Variants in KCNK10 observed in about 807,000 individuals in gnomAD.
KCNK10 encodes the protein potassium channel subfamily K member 10.
In KCNK10, 25 loss-of-function variants were observed where a neutral mutation model predicts 47.7. The ratio of observed to expected loss-of-function variants is 0.52; its 90% CI spans 0.38 to 0.73. The LOEUF is 0.73. Ranked by LOEUF, KCNK10 falls within the 30% of genes least tolerant of loss-of-function variation. The pLI is 0.00. For synonymous variants in KCNK10, 303 were observed against 285.6 expected (o/e 1.06, Z -0.61); for missense variants, 563 against 714.5 (o/e 0.79, Z 2.42).
intron 2 of KCNK10, among the ~76,000 whole-genome samples, chr14:88,257,691 C>T (rs1886995451): frequency 6.6e-6 from 1 of 152,214 alleles, no homozygotes; most frequent in African/African-American, 2.4e-5. Flanking sequence ...TGTATGTGGG[C>T]ACCAAAGATT....
chr14:88,214,323 C>T (rs969776201), intron 4 of KCNK10, among the ~76,000 whole-genome samples: 2 of 152,108 alleles, frequency 1.3e-5, no homozygotes, highest in African/African-American at 4.8e-5. Flanking sequence ...GAGGACAAGG[C>T]CAGCTATCTC....
At chr14:88,313,313 T>C (rs1322569461) in intron 1 of KCNK10, among the ~76,000 whole-genome samples, 1 of 152,208 alleles carries the variant, frequency 6.6e-6, no homozygotes, top group Admixed American at 6.5e-5. Flanking sequence ...TTCAAATTCT[T>C]TGACATGTCT....
chr14:88,227,343 T>C (rs1886018851), intron 4 of KCNK10, 32 bp downstream of exon 4: 6 of 1,553,046 alleles, frequency 3.9e-6, no homozygotes, highest in Non-Finnish European at 5.2e-6. Flanking sequence ...TGGATCACAG[T>C]GGTTAGAATT....
At chr14:88,251,232 C>CGAA (rs1886789787) in intron 2 of KCNK10, among the ~76,000 whole-genome samples, 1 of 70,204 alleles carries the variant, frequency 1.4e-5, no homozygotes, top group Non-Finnish European at 2.6e-5. Flanking sequence ...GACTCTGTCT[C>CGAA]AAAAAAAAAA....
chr14:88,232,077 C>A (rs921038523), intron 3 of KCNK10, among the ~76,000 whole-genome samples: 6 of 152,122 alleles, frequency 3.9e-5, no homozygotes, highest in Non-Finnish European at 8.8e-5. Context: ...CCTTGGTAAC[C>A]TTTCCAAGGC....
At chr14:88,227,331 A>G (rs767330563) in intron 4 of KCNK10, 44 bp downstream of exon 4, 43 of 1,515,714 alleles carry the variant, frequency 2.8e-5, no homozygotes, top group Non-Finnish European at 3.5e-5. Flanking sequence ...GCTAAAGCCA[A>G]CTGGATCACA....
At position 88,323,056 on chromosome 14, in the gene KCNK10, C is replaced by T; in HGVS notation, c.-258G>A. ...CCGTGGGTAAAAGAAAAAGTAAGAT[C>T]GGCGAGGGGTGGATGAAAGGATGGA... On this transcript the variant is annotated 5_prime_UTR_variant, in exon 1 of 7. Transcript: ENST00000319231. The T allele has an allele frequency of 1.5e-6, 2 of 1,300,090 alleles. No individual in the cohort carries two copies. Among genetic ancestry groups the T allele is most frequent in the Middle Eastern group, 3.1e-4 (1 of 3,270 alleles). 80.5% of individuals were successfully genotyped at this position (1,300,090 alleles called of 1,614,324 possible).
At chr14:88,293,969 G>A (rs1038262771) in intron 1 of KCNK10, among the ~76,000 whole-genome samples, 1 of 152,108 alleles carries the variant, frequency 6.6e-6, no homozygotes, top group Non-Finnish European at 1.5e-5. Flanking sequence ...GTGAACCACT[G>A]TGCCTAGTCC....
In KCNK10 at chr14:88,182,730, A is replaced by G. The variant is rs1050590887; in HGVS notation, c.*2805T>C. ...ACTGATTTGACTCATTTGGGGAAGC[A>G]TCTATGCACATACCAACACATGCAC... On this transcript the variant is annotated 3_prime_UTR_variant, in exon 7 of 7. Coordinates refer to ENST00000319231, the MANE Select transcript of KCNK10 (RefSeq NM_138317.3). 3 of 152,380 alleles carry G rather than the reference A, an allele frequency of 2.0e-5. No homozygotes were observed. Among genetic ancestry groups the G allele is most frequent in the Admixed American group, 2.0e-4 (3 of 15,290 alleles). The allele number at this position is 152,380 out of a possible 1,614,324, so 9.4% of individuals were successfully genotyped here. A position where few individuals can be genotyped will look rare whatever the true frequency, so the allele number is the denominator to read the frequency against.
chr14:88,283,273 C>A (rs1206662833), intron 1 of KCNK10, among the ~76,000 whole-genome samples: 2 of 152,170 alleles, frequency 1.3e-5, no homozygotes, highest in Non-Finnish European at 2.9e-5. Context: ...GATATAAGAT[C>A]TAAATCAAAC....
intron 3 of KCNK10, among the ~76,000 whole-genome samples, chr14:88,232,321 T>C (rs1008812347): frequency 2.0e-5 from 3 of 152,196 alleles, no homozygotes; most frequent in Non-Finnish European, 2.9e-5. Flanking sequence ...ATTTGTGTAT[T>C]TCACAATTAA....
chr14:88,278,452 A>G (rs1377026442), intron 1 of KCNK10, among the ~76,000 whole-genome samples: 2 of 152,210 alleles, frequency 1.3e-5, no homozygotes, highest in Non-Finnish European at 1.5e-5. Flanking sequence ...CTATTCGAAA[A>G]TCTAAGACAA....
intron 4 of KCNK10, among the ~76,000 whole-genome samples, chr14:88,209,862 A>C (rs1322027417): frequency 6.6e-6 from 1 of 152,178 alleles, no homozygotes; most frequent in Admixed American, 6.5e-5. Context: ...GAACACCTCC[A>C]AAGCACTTAG....
At chr14:88,285,194 C>T (rs1311362492) in intron 1 of KCNK10, among the ~76,000 whole-genome samples, 1 of 152,192 alleles carries the variant, frequency 6.6e-6, no homozygotes, top group African/African-American at 2.4e-5. Flanking sequence ...TCACTGCAAC[C>T]TCTGCCTCCC....
At chr14:88,231,896 G>A (rs945064549) in intron 3 of KCNK10, among the ~76,000 whole-genome samples, 7 of 152,348 alleles carry the variant, frequency 4.6e-5, no homozygotes, top group African/African-American at 1.4e-4. Flanking sequence ...TGATACTAAG[G>A]AGTAGCGCTG....
intron 4 of KCNK10, among the ~76,000 whole-genome samples, chr14:88,223,906 C>T (rs776624393): frequency 8.6e-5 from 13 of 151,826 alleles, no homozygotes; most frequent in Non-Finnish European, 1.8e-4. Flanking sequence ...TGTGGCTGGG[C>T]GTGGTGGCTC....
chr14:88,271,234 C>T (rs115871286), intron 1 of KCNK10, among the ~76,000 whole-genome samples: 1,642 of 152,258 alleles, frequency 0.011, 24 homozygotes, highest in African/African-American at 0.038. Flanking sequence ...ACTAGGAGAC[C>T]CCTGGTTACA....
At chr14:88,251,169 G>C (rs749380594) in intron 2 of KCNK10, among the ~76,000 whole-genome samples, 8 of 140,280 alleles carry the variant, frequency 5.7e-5, no homozygotes, top group African/African-American at 8.1e-5. Context: ...GGAGGTGGAG[G>C]TTGCAGTGAG....
intron 2 of KCNK10, among the ~76,000 whole-genome samples, chr14:88,249,796 G>A (rs1250332850): frequency 6.6e-6 from 1 of 152,150 alleles, no homozygotes; most frequent in Non-Finnish European, 1.5e-5. Flanking sequence ...TGCCAGAATT[G>A]GCTAGCGATA....
Sources: allele counts gnomAD v4.1 joint callset (sites outside exome capture counted in the v4.1 genomes callset), GRCh38; gene constraint gnomAD v4.1.1; transcripts MANE v1.5; gene names NCBI Gene and HGNC (gene_info 2026-07-23, HGNC 2026-07-21).